TMEM120A: variants seen among roughly 807,000 people sequenced by gnomAD.
The protein encoded by TMEM120A is transmembrane protein 120A, also known as ion channel TACAN.
A neutral mutation model predicts 54.3 loss-of-function variants in TMEM120A; 45 were observed. The ratio of observed to expected loss-of-function variants is 0.83; its 90% CI spans 0.65 to 1.06. The LOEUF (loss-of-function observed/expected upper bound fraction) is 1.06, where lower values mean the gene tolerates loss of function less well. TMEM120A is among the 50% of genes least tolerant of loss of function. The probability of loss-of-function intolerance (pLI) is 0.00; values close to 1 mark genes in which losing one functional copy is unlikely to be tolerated. For missense variants in TMEM120A, 424 were observed against 441.7 expected, an observed-to-expected ratio of 0.96 and a Z score of 0.36; for synonymous variants, 204 against 178.5, an observed-to-expected ratio of 1.14 and a Z score of -1.14.
chr7:75,992,136 G>T lies in TMEM120A; in HGVS notation c.317+8C>A. 7 of 1,579,088 alleles carry T rather than the reference G, an allele frequency of 4.4e-6. No individual in the cohort carries two copies. Among genetic ancestry groups the T allele is most frequent in the Non-Finnish European group, 6.0e-6 (7 of 1,158,338 alleles). On this transcript the variant is annotated splice_region_variant and intron_variant, in intron 3 of 11. Transcript: ENST00000493111. ...AACTGAGCTGGGGGTGGCGGTGGGG[G>T]CCCTCACCCATTCTTCTTAGGCAAA...
rs782135590 is a variant in TMEM120A at position 75,988,063 on chromosome 7, G to A, written c.629+20C>T. 4 of 1,602,416 alleles carry A rather than the reference G, an allele frequency of 2.5e-6. No homozygotes were observed. The highest frequency in any genetic ancestry group is 2.3e-5 in the East Asian group (1 of 44,286). Reference sequence around the variant, plus strand: ...CCTCCTTGTCCCAGCTCCTGCCCCTGCCGGGGCCCAGCCACTCACCACGTC... The same window carrying A: ...CCTCCTTGTCCCAGCTCCTGCCCCTACCGGGGCCCAGCCACTCACCACGTC... On this transcript the variant is annotated intron_variant, in intron 7 of 11. Coordinates refer to ENST00000493111, the MANE Select transcript of TMEM120A (RefSeq NM_031925.3).
At chr7:75,987,879 C>T (rs781905055) in intron 8 of TMEM120A, 44 bp downstream of exon 8, 10 of 1,598,494 alleles carry the variant, frequency 6.3e-6, no homozygotes, top group South Asian at 5.6e-5. Context: ...TGCCCCCCAC[C>T]ACGGGTGCCT....
rs782730108 is a variant in TMEM120A, at chr7:75,994,584, G to A, written c.-14C>T. On this transcript the variant is annotated 5_prime_UTR_variant, in exon 1 of 12. Coordinates refer to ENST00000493111, the MANE Select transcript of TMEM120A (RefSeq NM_031925.3). ...CGGGGGCTGCATGGCTGCAGCGCCA[G>A]TAGCCAGTAGTGGAGGACGGCGCAG... The A allele has an allele frequency of 6.6e-7, 1 of 1,526,652 alleles. No homozygotes were observed. The highest frequency in any genetic ancestry group is 2.6e-5 in the East Asian group (1 of 38,080). The allele number at this position is 1,526,652 out of a possible 1,614,324, so 94.6% of individuals were successfully genotyped here.
Position 75,992,569 on chromosome 7 carries a change from AG to A in TMEM120A, c.82-13del, listed in dbSNP as rs1789889689. ...AGCCGATGGGTCTCCTGGGGGCCGG[AG>A]GGGAGAGGCTCAGGCCAGTTGGGGA... On this transcript the variant is annotated splice_polypyrimidine_tract_variant and intron_variant, in intron 1 of 11. Coordinates refer to ENST00000493111, the MANE Select transcript of TMEM120A (RefSeq NM_031925.3). The A allele has an allele frequency of 2.6e-6, 4 of 1,553,132 alleles. No homozygotes were observed. The East Asian group carries it at 9.5e-5, about 37-fold the overall frequency.
chr7:75,989,545 C>T (rs1554561408), intron 3 of TMEM120A, among the ~76,000 whole-genome samples: 1 of 151,442 alleles, frequency 6.6e-6, no homozygotes, highest in African/African-American at 2.4e-5. Context: ...GGGCCGTCCC[C>T]CTGTCCCCGA....
In TMEM120A at chr7:75,994,516, G is replaced by C; in HGVS notation, c.55C>G (p.Leu19Val). The C allele has an allele frequency of 6.4e-7, 1 of 1,567,870 alleles. No homozygotes were observed. Among genetic ancestry groups the C allele is most frequent in the South Asian group, 1.2e-5 (1 of 85,692 alleles). ...TGGATGTTCTGGAAGTCCTGCTGTA[G>C]ATCCTCCCAGTCCCGCAGGCAGTCG... ...LGDCLRDWED[L>V]QQDFQNIQET... Residue 19 changes from leucine (L) to valine (V), a missense_variant, in exon 1 of 12, where the codon CTA (leucine) becomes GTA (valine). Coordinates refer to ENST00000493111, the MANE Select transcript of TMEM120A (RefSeq NM_031925.3).
chr7:75,987,985 C>T lies in TMEM120A; in HGVS notation c.630-1G>A. On this transcript the variant is annotated splice_acceptor_variant, in intron 7 of 11. Transcript: ENST00000493111. LOFTEE classifies it high-confidence loss of function. ...TTTCTGGTACATGAGACCGTCGGGC[C>T]TAAGGTAAAAAGTGGAGGGCAGTGT... is the stretch of plus-strand genomic sequence containing the variant. The T allele has an allele frequency of 1.2e-6, 2 of 1,600,024 alleles. No individual in the cohort carries two copies. Among genetic ancestry groups the T allele is most frequent in the South Asian group, 1.1e-5 (1 of 88,994 alleles).
At chr7:75,989,301 C>CT in intron 3 of TMEM120A, 77 bp from the exon 4 acceptor site, 2 of 1,009,968 alleles carry the variant, frequency 2.0e-6, no homozygotes, top group Non-Finnish European at 3.1e-6. Context: ...GCCTGCCAGG[C>CT]CAGAGCCTGG....
rs559466676 is a variant in TMEM120A at position 75,994,502 on chromosome 7, G to T, written c.69C>A (p.Phe23Leu). 46 of 1,567,548 alleles carry T rather than the reference G, an allele frequency of 2.9e-5. No homozygotes were observed. The highest frequency in any genetic ancestry group is 3.3e-4 in the Middle Eastern group (2 of 6,004). ...LRDWEDLQQD[F>L]QNIQETHRLY... ...CAGCGGCGCTAACCTGGATGTTCTG[G>T]AAGTCCTGCTGTAGATCCTCCCAGT... is the stretch of plus-strand genomic sequence containing the variant. The change falls in exon 1 of 12, where the codon TTC becomes TTA. Residue 23 changes from phenylalanine (F) to leucine (L), a missense_variant. Phe to Leu is a conservative substitution (Grantham distance 22, BLOSUM62 0). Transcript: ENST00000493111.
intron 1 of TMEM120A, among the ~76,000 whole-genome samples, chr7:75,992,974 T>C (rs1789908703): frequency 6.6e-6 from 1 of 152,180 alleles, no homozygotes; most frequent in South Asian, 2.1e-4. Flanking sequence ...GGCTAATTTT[T>C]GTATTTTTGT....
At position 75,987,142 on chromosome 7, in the gene TMEM120A, C is replaced by T. The variant is rs1554559843; in HGVS notation, c.*30G>A. Reference sequence around the variant, plus strand: ...CTCCCACAACACACAGGACAGAAGCCCCTCTGGGCCGGCAGGGGAAGGCCC... The same window carrying T: ...CTCCCACAACACACAGGACAGAAGCTCCTCTGGGCCGGCAGGGGAAGGCCC... On this transcript the variant is annotated 3_prime_UTR_variant, in exon 12 of 12. Coordinates refer to ENST00000493111, the MANE Select transcript of TMEM120A (RefSeq NM_031925.3). 9.7e-6 allele frequency: 15 copies of T among 1,549,446 alleles called. No homozygotes were observed. Among genetic ancestry groups the T allele is most frequent in the Non-Finnish European group, 1.3e-5 (15 of 1,140,398 alleles).
chr7:75,988,476 G>A lies in TMEM120A; in HGVS notation c.418C>T (p.Leu140Phe). The part of the protein sequence containing the change: ...KDEYEKFKLY[L>F]TIILILISFT... ...GAGATGAGGATGAGGATGATGGTGAGGTAGAGCTTGAACTTCTCATACTCG... is the reference window on the plus strand; with the variant it reads ...GAGATGAGGATGAGGATGATGGTGAAGTAGAGCTTGAACTTCTCATACTCG... The change falls in exon 5 of 12, where the codon CTC becomes TTC. Residue 140 changes from leucine to phenylalanine, a missense_variant. Transcript: ENST00000493111. 1 of 1,610,106 alleles carries A rather than the reference G, an allele frequency of 6.2e-7. No homozygotes were observed. The highest frequency in any genetic ancestry group is 8.5e-7 in the Non-Finnish European group (1 of 1,179,390).
In TMEM120A at chr7:75,988,282, C is replaced by A. The variant is rs200635965; in HGVS notation, c.533G>T (p.Arg178Leu). The A allele has an allele frequency of 1.2e-6, 2 of 1,612,168 alleles. No individual in the cohort carries two copies. The highest frequency in any genetic ancestry group is 3.3e-5 in the Admixed American group (2 of 60,008). Residue 178 changes from arginine to leucine, a missense_variant, in exon 6 of 12, where the codon CGG becomes CTG. Physicochemically the swap from Arg to Leu is moderately radical, Grantham distance 102 (BLOSUM62 -2). Transcript: ENST00000493111. ...GCCGTTGTTGATGAGGATGCTCTCCCGGATGGTCAGGGTGCAGTAGTACCA... is the reference window on the plus strand; with the variant it reads ...GCCGTTGTTGATGAGGATGCTCTCCAGGATGGTCAGGGTGCAGTAGTACCA... Reference protein sequence around the residue: ...LVWYYCTLTIRESILINNGSR... With the variant: ...LVWYYCTLTILESILINNGSR...
intron 1 of TMEM120A, among the ~76,000 whole-genome samples, chr7:75,994,004 G>T (rs370907038): frequency 1.2e-3 from 144 of 118,250 alleles, no homozygotes; most frequent in African/African-American, 4.2e-3. Flanking sequence ...GCAGCCACAT[G>T]GGCCTGTCAA....
chr7:75,992,369 C>T (rs11981214), intron 2 of TMEM120A, 70 bp downstream of exon 2: 6 of 1,559,868 alleles, frequency 3.8e-6, no homozygotes, highest in Non-Finnish European at 5.3e-6. Context: ...GGGGCGGTGC[C>T]CAGGGTCTCA....
rs114564646 is a variant in TMEM120A, at chr7:75,988,480, G to T, written c.414C>A (p.Leu138=). The T allele has an allele frequency of 6.2e-7, 1 of 1,609,926 alleles. No individual in the cohort carries two copies. Among genetic ancestry groups the T allele is most frequent in the Non-Finnish European group, 8.5e-7 (1 of 1,179,346 alleles). ...TGAGGATGAGGATGATGGTGAGGTA[G>T]AGCTTGAACTTCTCATACTCGTCCT... ...AYKDEYEKFK[L]YLTIILILIS... Residue 138 remains leucine (L), a synonymous_variant, in exon 5 of 12, where the codon CTC becomes CTA. Transcript: ENST00000493111.
intron 9 of TMEM120A, 23 bp from the exon 10 acceptor site, chr7:75,987,625 A>G (rs1789581019): frequency 1.2e-6 from 2 of 1,606,306 alleles, no homozygotes; most frequent in African/African-American, 1.3e-5. Flanking sequence ...AGGTCAGGGC[A>G]CAGGACGGCC....
Position 75,989,114 on chromosome 7 carries a change from GGCT to G in TMEM120A, c.377+48_377+50del. 6 of 336,522 alleles carry G rather than the reference GGCT, an allele frequency of 1.8e-5. 2 individuals are homozygous for G. Among genetic ancestry groups the G allele is most frequent in the South Asian group, 1.4e-4 (5 of 36,488 alleles). The allele number at this position is 336,522 out of a possible 1,614,324, so 20.8% of individuals were successfully genotyped here. On this transcript the variant is annotated intron_variant, in intron 4 of 11. Transcript: ENST00000493111. ...GGTTGAGGGGGGGAGGGGGGTAGGG[GGCT>G]AGGGGTGGAGGGGTGGAGGTTGGGG...
intron 1 of TMEM120A, 72 bp downstream of exon 1, chr7:75,994,418 G>GATGCCCGACC: frequency 7.1e-7 from 1 of 1,405,230 alleles, no homozygotes; most frequent in Non-Finnish European, 9.8e-7. Flanking sequence ...CTGACCCAGG[G>GATGCCCGACC]CTGCCCGACC....
Sources: gnomAD v4.1 joint callset for allele counts (sites outside exome capture counted in the v4.1 genomes callset) on GRCh38, gnomAD v4.1.1 for gene constraint, MANE v1.5 for transcripts, NCBI Gene and HGNC (gene_info 2026-07-23, HGNC 2026-07-21) for gene names.